THSD7B: variants seen among roughly 807,000 people sequenced by gnomAD.
THSD7B encodes the protein thrombospondin type-1 domain-containing protein 7B.
Under a neutral mutation model 213.6 loss-of-function variants are expected in THSD7B, and 138 were observed. The ratio of observed to expected loss-of-function variants is 0.65; its 90% confidence interval spans 0.56 to 0.74. THSD7B has a LOEUF of 0.74. Ranked by LOEUF, THSD7B falls within the 30% of genes least tolerant of loss-of-function variation. THSD7B has a pLI of 0.00. For missense variants in THSD7B, 1,931 were observed against 1,991.5 expected (o/e 0.97, Z 0.58); for synonymous variants, 742 against 687.0 (o/e 1.08, Z -1.25).
chr2:137,526,790 C>T (rs570671278), intron 15 of THSD7B, among the ~76,000 whole-genome samples: 2 of 152,084 alleles, frequency 1.3e-5, no homozygotes, highest in Admixed American at 1.3e-4. Flanking sequence ...ATGTGGTGCA[C>T]AGTGATAAAT....
intron 12 of THSD7B, among the ~76,000 whole-genome samples, chr2:137,346,974 T>A (rs1684889317): frequency 1.3e-5 from 2 of 151,682 alleles, no homozygotes; most frequent in Admixed American, 6.6e-5. Flanking sequence ...CATATAGTTC[T>A]ATGTTTAACT....
chr2:137,157,029 G>A (rs1244299567), intron 5 of THSD7B, among the ~76,000 whole-genome samples: 1 of 152,122 alleles, frequency 6.6e-6, no homozygotes, highest in Non-Finnish European at 1.5e-5. Flanking sequence ...AATTCTTGCT[G>A]TAATATGGAC....
intron 5 of THSD7B, among the ~76,000 whole-genome samples, chr2:137,159,475 TAAAA>T (rs1286538697): frequency 1.3e-5 from 2 of 148,196 alleles, no homozygotes; most frequent in African/African-American, 5.0e-5. Flanking sequence ...GAGCAAAAAA[TAAAA>T]AGAAAAAAAA....
chr2:136,988,417 C>A (rs1189607422), intron 2 of THSD7B, among the ~76,000 whole-genome samples: 2 of 152,216 alleles, frequency 1.3e-5, no homozygotes, highest in African/African-American at 4.8e-5. Flanking sequence ...CCTTCCAAAT[C>A]TGCCAGAGAG....
intron 3 of THSD7B, among the ~76,000 whole-genome samples, chr2:137,094,242 T>G (rs1573819144): frequency 6.6e-6 from 1 of 152,162 alleles, no homozygotes; most frequent in East Asian, 1.9e-4. Context: ...AACCAGTCAA[T>G]CCATGGTAAT....
intron 1 of THSD7B, among the ~76,000 whole-genome samples, chr2:136,881,881 T>C (rs1466865539): frequency 6.6e-6 from 1 of 152,096 alleles, no homozygotes; most frequent in Non-Finnish European, 1.5e-5. Flanking sequence ...TAAAAAGCAA[T>C]TGGGGAAATA....
intron 12 of THSD7B, among the ~76,000 whole-genome samples, chr2:137,376,182 T>C (rs750413759): frequency 5.3e-5 from 8 of 152,220 alleles, no homozygotes; most frequent in Non-Finnish European, 7.3e-5. Context: ...TTAGTTACTG[T>C]TTCTAGAATG....
chr2:137,007,044 G>T (rs1415747924), intron 2 of THSD7B, among the ~76,000 whole-genome samples: 1 of 152,058 alleles, frequency 6.6e-6, no homozygotes, highest in Non-Finnish European at 1.5e-5. Flanking sequence ...ATTAATATTA[G>T]GGTCATCTTA....
chr2:136,908,895 C>T (rs1684213325), intron 2 of THSD7B, among the ~76,000 whole-genome samples: 1 of 151,928 alleles, frequency 6.6e-6, no homozygotes, highest in Admixed American at 6.6e-5. Flanking sequence ...GTGGGCCTAT[C>T]CTAGTCTGGG....
chr2:137,329,463 T>G (rs970123905), intron 12 of THSD7B, among the ~76,000 whole-genome samples: 1 of 152,096 alleles, frequency 6.6e-6, no homozygotes, highest in Non-Finnish European at 1.5e-5. Flanking sequence ...CCTCCAGGGT[T>G]CAAGCAATTC....
intron 5 of THSD7B, among the ~76,000 whole-genome samples, chr2:137,130,372 C>G (rs1196889933): frequency 6.6e-6 from 1 of 151,894 alleles, no homozygotes; most frequent in African/African-American, 2.4e-5. Flanking sequence ...CCAAGCCTCA[C>G]CTTTTTATTA....
intron 1 of THSD7B, among the ~76,000 whole-genome samples, chr2:136,810,957 C>T (rs889604168): frequency 2.6e-5 from 4 of 152,194 alleles, no homozygotes; most frequent in African/African-American, 9.7e-5. Flanking sequence ...CTGCTGAGAG[C>T]TGTGCTGCAT....
Position 136,791,251 on chromosome 2 carries a change from G to A in THSD7B, c.-36+25564G>A, listed in dbSNP as rs138779879. On this transcript the variant is annotated intron_variant, in intron 1 of 27. Transcript: ENST00000409968. ...ACACTTTTTAATACCAGTAGTCAGTGCTCTTGGGCAAGGAAACCTGGCAAG... is the reference window on the plus strand; with the variant it reads ...ACACTTTTTAATACCAGTAGTCAGTACTCTTGGGCAAGGAAACCTGGCAAG... 2.6e-4 allele frequency among the ~76,000 whole-genome samples: 39 copies of A among 152,062 alleles called. No individual in the cohort carries two copies. The East Asian group carries it at 7.3e-3, about 29-fold the overall frequency.
At chr2:137,129,218 C>A (rs985434349) in intron 5 of THSD7B, among the ~76,000 whole-genome samples, 1 of 152,108 alleles carries the variant, frequency 6.6e-6, no homozygotes, top group Admixed American at 6.6e-5. Flanking sequence ...ATATACCAGG[C>A]ATCAATCAGT....
intron 20 of THSD7B, among the ~76,000 whole-genome samples, chr2:137,624,388 T>A (rs977850954): frequency 5.9e-5 from 9 of 152,156 alleles, no homozygotes; most frequent in African/African-American, 2.2e-4. Context: ...GAAGAAAACC[T>A]AGGCAATACC....
At chr2:137,637,819 G>A in intron 20 of THSD7B, among the ~76,000 whole-genome samples, 1 of 152,142 alleles carries the variant, frequency 6.6e-6, no homozygotes, top group East Asian at 1.9e-4. Flanking sequence ...TAATGAAATA[G>A]AGTCTCTTTG....
intron 22 of THSD7B, among the ~76,000 whole-genome samples, chr2:137,656,415 C>T (rs1260696480): frequency 6.6e-6 from 1 of 151,996 alleles, no homozygotes; most frequent in Non-Finnish European, 1.5e-5. Context: ...TACTTATTCT[C>T]TTTTATATGG....
chr2:137,002,910 G>A (rs1039277052), intron 2 of THSD7B, among the ~76,000 whole-genome samples: 4 of 152,098 alleles, frequency 2.6e-5, no homozygotes, highest in Non-Finnish European at 4.4e-5. Flanking sequence ...AATAAAATGA[G>A]ATAAATTGAT....
At chr2:137,488,722 A>G (rs1573656481) in intron 15 of THSD7B, among the ~76,000 whole-genome samples, 1 of 152,208 alleles carries the variant, frequency 6.6e-6, no homozygotes, top group Admixed American at 6.5e-5. Context: ...GGAGAATGAA[A>G]CATTCACTTG....
Sources: gnomAD v4.1 joint callset for allele counts (sites outside exome capture counted in the v4.1 genomes callset) on GRCh38, gnomAD v4.1.1 for gene constraint, MANE v1.5 for transcripts, NCBI Gene and HGNC (gene_info 2026-07-23, HGNC 2026-07-21) for gene names.